DMXL1: variants seen among roughly 807,000 people sequenced by gnomAD.
The protein encoded by DMXL1 is Dmx like 1, also known as dmX-like protein 1.
DMXL1 carries 99 observed loss-of-function variants against 319.2 expected under a neutral mutation model. The ratio of observed to expected loss-of-function variants is 0.31; its 90% CI spans 0.26 to 0.37. The LOEUF (loss-of-function observed/expected upper bound fraction) is 0.37, where lower values mean the gene tolerates loss of function less well. Ranked by LOEUF, DMXL1 falls within the 10% of genes least tolerant of loss-of-function variation. The pLI, the probability that DMXL1 is intolerant of heterozygous loss-of-function variation, is 1.00. For missense variants in DMXL1, 3,745 were observed against 3,595.6 expected, an observed-to-expected ratio of 1.04 and a Z score of -1.06; for synonymous variants, 1,385 against 1,235.2, an observed-to-expected ratio of 1.12 and a Z score of -2.54.
At chr5:119,074,714 T>C (rs1310245016) in intron 1 of DMXL1, among the ~76,000 whole-genome samples, 1 of 152,260 alleles carries the variant, frequency 6.6e-6, no homozygotes, top group Non-Finnish European at 1.5e-5. Flanking sequence ...TCTCCTGTGC[T>C]TTCAGAGCAC....
At chr5:119,195,315 A>T (rs778125777) in intron 30 of DMXL1, among the ~76,000 whole-genome samples, 1 of 152,210 alleles carries the variant, frequency 6.6e-6, no homozygotes, top group African/African-American at 2.4e-5. Context: ...TAGCAGCATT[A>T]TTTACAGTAA....
At position 119,170,645 on chromosome 5, in the gene DMXL1, T is replaced by C; in HGVS notation, c.5854T>C (p.Trp1952Arg). The C allele has an allele frequency of 1.9e-6, 3 of 1,613,812 alleles. No individual in the cohort carries two copies. Among genetic ancestry groups the C allele is most frequent in the Non-Finnish European group, 2.5e-6 (3 of 1,179,910 alleles). Residue 1952 changes from tryptophan to arginine, a missense_variant, in exon 24 of 44, where the codon TGG becomes CGG. Around this residue, in one of 4 missense-constraint regions of DMXL1, gnomAD observed 1,382 missense variants for 1,269.5 expected, o/e 1.09. Transcript: ENST00000539542. The part of the protein sequence containing the change: ...KQSNSTLSFD[W>R]SQPSVVFQDD... ...ATCAAACTCCACTCTTTCTTTTGAC[T>C]GGAGCCAACCAAGTGTTGTGTTTCA...
chr5:119,220,578 A>C lies in DMXL1; in HGVS notation c.8120A>C (p.Glu2707Ala). The change falls in exon 36 of 44, where the codon GAA becomes GCA. Residue 2707 changes from glutamate (E) to alanine (A), a missense_variant. Physicochemically the swap from Glu to Ala is moderately radical, Grantham distance 107 (BLOSUM62 -1). This residue lies in a region of DMXL1 where 1,382 missense variants were observed against 1,269.5 expected (regional missense o/e 1.09). Transcript: ENST00000539542. ...TACACTTGGGTAGATGATGATATAG[A>C]AGTGGAAACCAAAGGGTACCTTCAT... ...QVYTWVDDDI[E>A]VETKGSEDFL... 3 of 1,613,408 alleles carry C rather than the reference A, an allele frequency of 1.9e-6. No individual in the cohort carries two copies. Among genetic ancestry groups the C allele is most frequent in the Non-Finnish European group, 2.5e-6 (3 of 1,179,788 alleles).
chr5:119,095,650 A>G (rs1755782511), intron 1 of DMXL1, among the ~76,000 whole-genome samples: 1 of 152,248 alleles, frequency 6.6e-6, no homozygotes, highest in African/African-American at 2.4e-5. Flanking sequence ...ATTCAACACA[A>G]TATTTTGAGA....
chr5:119,205,554 ATAAT>A (rs1431004432), intron 33 of DMXL1, among the ~76,000 whole-genome samples: 2 of 152,070 alleles, frequency 1.3e-5, no homozygotes. Flanking sequence ...CACAATGACT[ATAAT>A]AGCCCTTACT....
At chr5:119,097,709 T>C (rs1436692556) in intron 1 of DMXL1, among the ~76,000 whole-genome samples, 1 of 152,068 alleles carries the variant, frequency 6.6e-6, no homozygotes, top group Admixed American at 6.6e-5. Context: ...AGAGTGAGAC[T>C]CCATCTCAAA....
At chr5:119,226,322 A>C (rs1785549681) in intron 38 of DMXL1, among the ~76,000 whole-genome samples, 1 of 152,180 alleles carries the variant, frequency 6.6e-6, no homozygotes, top group East Asian at 1.9e-4. Flanking sequence ...TTGATAACAA[A>C]CACTTTTCGT....
chr5:119,234,148 C>G (rs961031600), intron 39 of DMXL1, among the ~76,000 whole-genome samples: 1 of 152,110 alleles, frequency 6.6e-6, no homozygotes, highest in South Asian at 2.1e-4. Flanking sequence ...GTCTTCACTT[C>G]TCATAATCCT....
intron 7 of DMXL1, among the ~76,000 whole-genome samples, chr5:119,116,780 T>C (rs1467690350): frequency 6.6e-6 from 1 of 152,190 alleles, no homozygotes; most frequent in East Asian, 1.9e-4. Context: ...GTATGTTTAT[T>C]TGACTACACC....
Position 119,129,432 on chromosome 5 carries a change from T to C in DMXL1, c.1315+9T>C. On this transcript the variant is annotated intron_variant, in intron 10 of 43. Transcript: ENST00000539542. ...TGTAAAATCTGATGAAGGTAAACTT[T>C]AAGAGGAAAGGAAAATTTAAAGTTT... 1 of 1,575,146 alleles carries C rather than the reference T, an allele frequency of 6.3e-7. No individual in the cohort carries two copies. Among genetic ancestry groups the C allele is most frequent in the Non-Finnish European group, 8.6e-7 (1 of 1,162,582 alleles).
At chr5:119,089,453 G>A (rs1168411117) in intron 1 of DMXL1, among the ~76,000 whole-genome samples, 2 of 147,236 alleles carry the variant, frequency 1.4e-5, no homozygotes, top group African/African-American at 5.0e-5. Flanking sequence ...TTACAGGCGC[G>A]CACCACCACA....
In DMXL1 at chr5:119,247,792, G is replaced by A. The variant is rs2896840; in HGVS notation, c.*573G>A. ...TAGTTTACCCTCCGGAACCCAAGTT[G>A]TATGTATGTATACGTGTGTGTGTGT... On this transcript the variant is annotated 3_prime_UTR_variant, in exon 44 of 44. Transcript: ENST00000539542. 0.92 allele frequency: 140,891 copies of A among 152,382 alleles called. 65,235 individuals carry two copies. The highest frequency in any genetic ancestry group is 1 in the East Asian group (5,181 of 5,188). The allele number at this position is 152,382 out of a possible 1,614,324, so 9.4% of individuals were successfully genotyped here.
chr5:119,174,628 C>G lies in DMXL1; in HGVS notation c.6682-633C>G, dbSNP rs1775424416. Among the ~76,000 whole-genome samples, 3 of 152,204 alleles carry G rather than the reference C, an allele frequency of 2.0e-5. No individual in the cohort carries two copies. The South Asian group carries it at 6.2e-4, about 31-fold the overall frequency. ...GAACCTGGTCTTTTAATATTCTAGT[C>G]TGGTTTGCTTTCTTACCTAGCTGAA... On this transcript the variant is annotated intron_variant, in intron 25 of 43. Transcript: ENST00000539542.
chr5:119,076,333 T>C (rs1052155160), intron 1 of DMXL1, among the ~76,000 whole-genome samples: 2 of 152,214 alleles, frequency 1.3e-5, no homozygotes, highest in Non-Finnish European at 2.9e-5. Flanking sequence ...AGCTCTGTTT[T>C]GTTTACTTTA....
At chr5:119,195,634 C>G (rs1000168650) in intron 30 of DMXL1, among the ~76,000 whole-genome samples, 2 of 152,090 alleles carry the variant, frequency 1.3e-5, no homozygotes, top group African/African-American at 2.4e-5. Flanking sequence ...GAAAGGAATT[C>G]TGGAGTTGGA....
chr5:119,092,325 G>T (rs1580650104), intron 1 of DMXL1, among the ~76,000 whole-genome samples: 1 of 150,824 alleles, frequency 6.6e-6, no homozygotes, highest in East Asian at 1.9e-4. Context: ...TTGCTGTGTT[G>T]CCCAGGCTGA....
intron 19 of DMXL1, among the ~76,000 whole-genome samples, chr5:119,159,083 C>T (rs749135688): frequency 4.7e-4 from 72 of 151,872 alleles, no homozygotes; most frequent in Admixed American, 1.8e-3. Context: ...TAGAATTCAC[C>T]GGTGATGCGA....
At chr5:119,143,016 G>A (rs116581742) in intron 13 of DMXL1, among the ~76,000 whole-genome samples, 1,631 of 152,144 alleles carry the variant, frequency 0.011, 21 homozygotes, top group South Asian at 0.027. Context: ...ACAAGTGGGA[G>A]CTAAATAATG....
intron 14 of DMXL1, 108 bp from the exon 15 acceptor site, chr5:119,144,428 T>C (rs1250225045): frequency 3.7e-6 from 3 of 819,738 alleles, no homozygotes; most frequent in South Asian, 3.3e-5. Flanking sequence ...ACTTTTGACT[T>C]CTTATTCTGC....
Sources: allele counts gnomAD v4.1 joint callset (sites outside exome capture counted in the v4.1 genomes callset), GRCh38; gene constraint gnomAD v4.1.1; regional missense constraint gnomAD v4.1.1; transcripts MANE v1.5; gene names NCBI Gene and HGNC (gene_info 2026-07-23, HGNC 2026-07-21).